LRRC4C: variants seen among roughly 807,000 people sequenced by gnomAD.
The protein encoded by LRRC4C is leucine-rich repeat-containing protein 4C.
Under a neutral mutation model 33.6 loss-of-function variants are expected in LRRC4C, and 5 were observed. The ratio of observed to expected loss-of-function variants is 0.15; its 90% confidence interval spans 0.08 to 0.31. The LOEUF is 0.31. Ranked by LOEUF, LRRC4C falls within the 10% of genes least tolerant of loss-of-function variation. LRRC4C has a pLI of 1.00. For missense variants in LRRC4C, 560 were observed against 796.7 expected (o/e 0.70, Z 3.58); for synonymous variants, 329 against 302.0 (o/e 1.09, Z -0.93).
intron 3 of LRRC4C, among the ~76,000 whole-genome samples, chr11:40,387,501 T>C (rs1949157187): frequency 6.6e-6 from 1 of 152,156 alleles, no homozygotes; most frequent in Non-Finnish European, 1.5e-5. Flanking sequence ...GAAAAAATAA[T>C]TTTTTATAAA....
intron 3 of LRRC4C, among the ~76,000 whole-genome samples, chr11:40,576,669 G>A (rs536270429): frequency 8.5e-5 from 13 of 152,162 alleles, no homozygotes; most frequent in South Asian, 6.2e-4. Context: ...CTTTCCCTAC[G>A]TTGGTAGCAT....
intron 3 of LRRC4C, among the ~76,000 whole-genome samples, chr11:40,469,645 C>A (rs907210011): frequency 2.6e-5 from 4 of 152,192 alleles, no homozygotes; most frequent in African/African-American, 9.6e-5. Flanking sequence ...GAAATTCTTG[C>A]TGCCAGGACA....
intron 3 of LRRC4C, among the ~76,000 whole-genome samples, chr11:40,580,741 A>G (rs1479170539): frequency 6.6e-6 from 1 of 152,174 alleles, no homozygotes; most frequent in Non-Finnish European, 1.5e-5. Context: ...CTGGTGATGA[A>G]ATTTAAGGGA....
At chr11:41,056,963 A>G (rs1217125529) in intron 1 of LRRC4C, among the ~76,000 whole-genome samples, 3 of 152,176 alleles carry the variant, frequency 2.0e-5, no homozygotes, top group African/African-American at 4.8e-5. Flanking sequence ...GGAGCTTACC[A>G]GGTGCCACTG....
chr11:41,098,927 T>C (rs1369893772), intron 1 of LRRC4C, among the ~76,000 whole-genome samples: 5 of 151,782 alleles, frequency 3.3e-5, no homozygotes, highest in Non-Finnish European at 5.9e-5. Flanking sequence ...ATTGATAAGA[T>C]AGAGACGCTG....
intron 5 of LRRC4C, among the ~76,000 whole-genome samples, chr11:40,213,388 G>C (rs1863748458): frequency 6.6e-6 from 1 of 152,060 alleles, no homozygotes; most frequent in Non-Finnish European, 1.5e-5. Flanking sequence ...ATCACCAGTT[G>C]AATATGTCAC....
chr11:40,633,395 C>CT (rs35352183), intron 3 of LRRC4C, among the ~76,000 whole-genome samples: 1,776 of 124,606 alleles, frequency 0.014, 115 homozygotes, highest in African/African-American at 0.053. Context: ...TTCTTTCTTT[C>CT]TTTTTTTTTT....
At chr11:41,004,603 T>C (rs761388417) in intron 1 of LRRC4C, among the ~76,000 whole-genome samples, 2 of 152,218 alleles carry the variant, frequency 1.3e-5, no homozygotes, top group Non-Finnish European at 2.9e-5. Flanking sequence ...GAATGCTCTA[T>C]GCTTTATTCA....
chr11:41,335,856 C>T (rs1051294140), intron 1 of LRRC4C, among the ~76,000 whole-genome samples: 1 of 152,180 alleles, frequency 6.6e-6, no homozygotes, highest in African/African-American at 2.4e-5. Flanking sequence ...AAGTATGTCA[C>T]ACCACTAAAT....
intron 5 of LRRC4C, among the ~76,000 whole-genome samples, chr11:40,213,059 C>G (rs1863720912): frequency 6.6e-6 from 1 of 152,124 alleles, no homozygotes; most frequent in Non-Finnish European, 1.5e-5. Flanking sequence ...CTTGTCCTGT[C>G]CTTTTAACAA....
intron 2 of LRRC4C, among the ~76,000 whole-genome samples, chr11:40,869,299 G>T (rs1954521749): frequency 6.6e-6 from 1 of 152,038 alleles, no homozygotes. Context: ...TATTATTATT[G>T]AAGACCTATT....
intron 1 of LRRC4C, among the ~76,000 whole-genome samples, chr11:41,052,225 A>G (rs1200628299): frequency 1.3e-5 from 2 of 152,164 alleles, no homozygotes; most frequent in African/African-American, 4.8e-5. Flanking sequence ...TTCCTTTGCA[A>G]ATATAAAAAA....
Position 40,391,321 on chromosome 11 carries a change from G to A in LRRC4C, c.-269-71600C>T, listed in dbSNP as rs187101133. 2.0e-5 allele frequency among the ~76,000 whole-genome samples: 3 copies of A among 152,168 alleles called. No individual in the cohort carries two copies. The East Asian group carries it at 5.8e-4, about 29-fold the overall frequency. Reference sequence around the variant, plus strand: ...CTTTGTTTTTAAAGCTCACCAGATTGATAATTTTCAGCTTTTCTTCCATTC... The same window carrying A: ...CTTTGTTTTTAAAGCTCACCAGATTAATAATTTTCAGCTTTTCTTCCATTC... On this transcript the variant is annotated intron_variant, in intron 3 of 6. Transcript: ENST00000528697.
chr11:41,297,388 A>G (rs1950172278), intron 1 of LRRC4C, among the ~76,000 whole-genome samples: 1 of 152,202 alleles, frequency 6.6e-6, no homozygotes, highest in Non-Finnish European at 1.5e-5. Flanking sequence ...TCAAGGTGAT[A>G]CTGGCCTTGT....
In LRRC4C at chr11:41,189,905, T is replaced by A. The variant is rs187481078; in HGVS notation, c.-495-256182A>T. On this transcript the variant is annotated intron_variant, in intron 1 of 6. Transcript: ENST00000528697. Reference sequence around the variant, plus strand: ...TTTTGTCTCCACACTGACGTGCCTTTATTCAGGATGGCTCTAGGATTCAAT... The same window carrying A: ...TTTTGTCTCCACACTGACGTGCCTTAATTCAGGATGGCTCTAGGATTCAAT... 1.0e-3 allele frequency among the ~76,000 whole-genome samples: 154 copies of A among 152,300 alleles called. 2 individuals are homozygous for A. The highest frequency in any genetic ancestry group is 3.6e-3 in the African/African-American group (148 of 41,578).
At chr11:40,282,029 C>G (rs1202121117) in intron 4 of LRRC4C, among the ~76,000 whole-genome samples, 1 of 152,140 alleles carries the variant, frequency 6.6e-6, no homozygotes, top group Admixed American at 6.5e-5. Flanking sequence ...CTACAAGTGT[C>G]ATCTCAACAG....
intron 1 of LRRC4C, among the ~76,000 whole-genome samples, chr11:41,144,677 A>G (rs889432656): frequency 2.6e-5 from 4 of 152,138 alleles, no homozygotes; most frequent in Non-Finnish European, 4.4e-5. Flanking sequence ...TATTCCCGTA[A>G]TGCCACTTCA....
intron 3 of LRRC4C, among the ~76,000 whole-genome samples, chr11:40,517,969 C>A (rs575361946): frequency 6.6e-6 from 1 of 152,212 alleles, no homozygotes; most frequent in South Asian, 2.1e-4. Flanking sequence ...CATCTACAAT[C>A]ATCTGATCTT....
At chr11:41,191,459 C>T (rs1945943204) in intron 1 of LRRC4C, among the ~76,000 whole-genome samples, 1 of 152,136 alleles carries the variant, frequency 6.6e-6, no homozygotes, top group Non-Finnish European at 1.5e-5. Context: ...GCCTGTTGGT[C>T]ATCTATGAAT....
Sources: gnomAD v4.1 joint callset for allele counts (sites outside exome capture counted in the v4.1 genomes callset) on GRCh38, gnomAD v4.1.1 for gene constraint, MANE v1.5 for transcripts, NCBI Gene and HGNC (gene_info 2026-07-23, HGNC 2026-07-21) for gene names.